The following SPAST variants were observed in gnomAD, a reference collection of about 807,000 sequenced individuals.
The protein encoded by SPAST is spastin.
SPAST carries 30 observed loss-of-function variants against 76.6 expected under a neutral mutation model. The ratio of observed to expected loss-of-function variants is 0.39; its 90% CI spans 0.29 to 0.53. SPAST has a LOEUF of 0.53. Among genes scored for constraint, SPAST ranks in the 20% least tolerant of loss-of-function variants. The pLI is 0.68. For synonymous variants in SPAST, 305 were observed against 281.0 expected (o/e 1.09, Z -0.86); for missense variants, 717 against 770.5 (o/e 0.93, Z 0.82).
intron 9 of SPAST, among the ~76,000 whole-genome samples, chr2:32,134,904 C>T (rs1191309129): frequency 6.6e-6 from 1 of 150,924 alleles, no homozygotes; most frequent in Non-Finnish European, 1.5e-5. Context: ...CCATGTTGGC[C>T]AGGCTGGTCT....
In SPAST at chr2:32,064,120, C is replaced by T. The variant is rs372005558; in HGVS notation, c.289C>T (p.Pro97Ser). The change falls in exon 1 of 17, where the codon CCA (proline) becomes TCA (serine). Residue 97 changes from proline to serine, a missense_variant. Physicochemically the swap from Pro to Ser is moderately conservative, Grantham distance 74. This residue lies in a region of SPAST where 543 missense variants were observed against 445.2 expected (regional missense o/e 1.22). Coordinates refer to ENST00000315285, the MANE Select transcript of SPAST (RefSeq NM_014946.4). ...AGCCAAGAGGAGCTCCGGGGCCGCG[C>T]CAGCACCTGCCTCGGCCTCGGCCCC... ...MAAKRSSGAA[P>S]APASASAPAP... 1.9e-6 allele frequency: 3 copies of T among 1,592,948 alleles called. No individual in the cohort carries two copies. Among genetic ancestry groups the T allele is most frequent in the Non-Finnish European group, 2.6e-6 (3 of 1,170,106 alleles).
intron 1 of SPAST, among the ~76,000 whole-genome samples, chr2:32,079,948 C>T (rs1163423057): frequency 6.6e-6 from 1 of 152,124 alleles, no homozygotes; most frequent in Admixed American, 6.6e-5. Flanking sequence ...TGGATATATA[C>T]CTAGGAGTAG....
In SPAST at chr2:32,155,492, CTTTTAT is replaced by C. The variant is rs1479019625; in HGVS notation, c.*998_*1003del. On this transcript the variant is annotated 3_prime_UTR_variant, in exon 17 of 17. Transcript: ENST00000315285. ...AATTATAAGCAAGTGGAACTACCAT[CTTTTAT>C]TCTTAATAATTATTAATCCCTTCAA... 7.9e-5 allele frequency: 12 copies of C among 152,456 alleles called. No individual in the cohort carries two copies. Among genetic ancestry groups the C allele is most frequent in the Non-Finnish European group, 1.3e-4 (9 of 68,006 alleles). The allele number at this position is 152,456 out of a possible 1,614,324, so 9.4% of individuals were successfully genotyped here.
At position 32,154,501 on chromosome 2, in the gene SPAST, A is replaced by G. The variant is rs1680189905; in HGVS notation, c.*5A>G. 6.2e-7 allele frequency: 1 copy of G among 1,613,832 alleles called. No individual in the cohort carries two copies. The highest frequency in any genetic ancestry group is 2.2e-5 in the East Asian group (1 of 44,854). On this transcript the variant is annotated 3_prime_UTR_variant, in exon 17 of 17. Transcript: ENST00000315285. ...TTTGGAGATACCACTGTTTAAGGAA[A>G]TACCTTTGTAAACCTGCAGAACATT... is the stretch of plus-strand genomic sequence containing the variant.
intron 1 of SPAST, among the ~76,000 whole-genome samples, chr2:32,077,117 A>T (rs1480478259): frequency 6.6e-6 from 1 of 152,062 alleles, no homozygotes; most frequent in Non-Finnish European, 1.5e-5. Context: ...CTCATGATCC[A>T]CACACCTTGG....
chr2:32,100,724 C>G (rs1486380791), intron 4 of SPAST, among the ~76,000 whole-genome samples: 1 of 152,040 alleles, frequency 6.6e-6, no homozygotes, highest in Non-Finnish European at 1.5e-5. Context: ...GGTTTTCTGT[C>G]CTTGCGATAG....
intron 1 of SPAST, among the ~76,000 whole-genome samples, chr2:32,070,899 A>G (rs1676723394): frequency 1.3e-5 from 2 of 152,250 alleles, no homozygotes; most frequent in Admixed American, 6.5e-5. Context: ...TGTGATAGCC[A>G]TTTTATATAA....
intron 12 of SPAST, among the ~76,000 whole-genome samples, chr2:32,138,700 A>C (rs2148755643): frequency 6.6e-6 from 1 of 152,110 alleles, no homozygotes; most frequent in Admixed American, 6.6e-5. Flanking sequence ...TTTTTGTTGC[A>C]ATTGTGTTTG....
chr2:32,137,882 A>G (rs760007789), intron 12 of SPAST, among the ~76,000 whole-genome samples: 2 of 152,094 alleles, frequency 1.3e-5, no homozygotes, highest in Non-Finnish European at 2.9e-5. Context: ...CTCAATTTTT[A>G]GCTCCCCACT....
chr2:32,115,968 A>G, intron 6 of SPAST, 133 bp downstream of exon 6: 6 of 961,644 alleles, frequency 6.2e-6, no homozygotes, highest in South Asian at 6.1e-5. Context: ...ATAGTTTTCA[A>G]TTATAAATGT....
intron 9 of SPAST, among the ~76,000 whole-genome samples, chr2:32,132,695 C>G (rs896602130): frequency 1.3e-5 from 2 of 151,926 alleles, no homozygotes; most frequent in Non-Finnish European, 2.9e-5. Context: ...TCAGATGTGA[C>G]CTGACTTTGA....
chr2:32,142,002 C>A, intron 13 of SPAST, 56 bp downstream of exon 13: 1 of 1,290,950 alleles, frequency 7.7e-7, no homozygotes, highest in Non-Finnish European at 1.1e-6. Context: ...GAACTACCAT[C>A]TTGACAATAT....
chr2:32,107,254 A>T (rs558186999), intron 4 of SPAST, among the ~76,000 whole-genome samples: 1 of 151,242 alleles, frequency 6.6e-6, no homozygotes, highest in Admixed American at 6.6e-5. Context: ...TTTTTTTGAG[A>T]TGAAGTCTTC....
At chr2:32,143,764 A>G (rs1274967882) in intron 14 of SPAST, among the ~76,000 whole-genome samples, 1 of 152,070 alleles carries the variant, frequency 6.6e-6, no homozygotes, top group African/African-American at 2.4e-5. Context: ...ATGAGTCAGG[A>G]ATGGTGGCAC....
At chr2:32,092,374 A>G (rs983670942) in intron 3 of SPAST, among the ~76,000 whole-genome samples, 1 of 152,224 alleles carries the variant, frequency 6.6e-6, no homozygotes, top group African/African-American at 2.4e-5. Flanking sequence ...TTTTCAGTGT[A>G]TATATAAAGT....
chr2:32,144,882 C>T (rs1679835901), intron 14 of SPAST, 55 bp from the exon 15 acceptor site: 2 of 1,287,324 alleles, frequency 1.6e-6, no homozygotes, highest in Non-Finnish European at 2.2e-6. Flanking sequence ...AAAACTCCAT[C>T]TCAAAAAAAA....
At position 32,063,730 on chromosome 2, in the gene SPAST, G is replaced by A; in HGVS notation, c.-102G>A. 2.1e-6 allele frequency: 3 copies of A among 1,457,396 alleles called. No individual in the cohort carries two copies. Among genetic ancestry groups the A allele is most frequent in the Non-Finnish European group, 2.7e-6 (3 of 1,093,416 alleles). The allele number at this position is 1,457,396 out of a possible 1,614,324, so 90.3% of individuals were successfully genotyped here. On this transcript the variant is annotated 5_prime_UTR_variant, in exon 1 of 17. Coordinates refer to ENST00000315285, the MANE Select transcript of SPAST (RefSeq NM_014946.4). ...GAGCTCCTGAGACCGGCGGGCACAC[G>A]GGGGTCTGTGGCCCCCGCCGTAGCA... is the stretch of plus-strand genomic sequence containing the variant.
At chr2:32,135,118 T>G (rs921383454) in intron 9 of SPAST, among the ~76,000 whole-genome samples, 9 of 147,484 alleles carry the variant, frequency 6.1e-5, no homozygotes, top group South Asian at 4.4e-4. Flanking sequence ...TCTGATAATT[T>G]TGTGTGTGTG....
At chr2:32,101,456 C>G (rs1678122243) in intron 4 of SPAST, among the ~76,000 whole-genome samples, 1 of 152,078 alleles carries the variant, frequency 6.6e-6, no homozygotes. Flanking sequence ...TGCAGAAACT[C>G]TTTAGTTTAA....
Sources: gnomAD v4.1 joint callset for allele counts (sites outside exome capture counted in the v4.1 genomes callset) on GRCh38, gnomAD v4.1.1 for gene constraint, gnomAD v4.1.1 regional missense constraint, MANE v1.5 for transcripts, NCBI Gene and HGNC (gene_info 2026-07-23, HGNC 2026-07-21) for gene names.